Variants in KCTD13 observed in about 807,000 individuals in gnomAD.
KCTD13 encodes the protein BTB/POZ domain-containing adapter for CUL3-mediated RhoA degradation protein 1.
KCTD13 carries 15 observed loss-of-function variants against 32.3 expected under a neutral mutation model. The observed-to-expected ratio is 0.46, with a 90% CI of 0.31 to 0.71. The LOEUF (loss-of-function observed/expected upper bound fraction) is 0.71. Ranked by LOEUF, KCTD13 falls within the 30% of genes least tolerant of loss-of-function variation. The pLI, the probability that KCTD13 is intolerant of heterozygous loss-of-function variation, is 0.05. For missense variants in KCTD13, 337 were observed against 452.6 expected (o/e 0.74, Z 2.32); for synonymous variants, 189 against 200.1 (o/e 0.94, Z 0.47).
chr16:29,909,350 G>A (rs998962410), intron 5 of KCTD13, among the ~76,000 whole-genome samples: 2 of 152,188 alleles, frequency 1.3e-5, no homozygotes, highest in Admixed American at 1.3e-4. Flanking sequence ...CAGATAGAAG[G>A]AAAGAATTCC....
In KCTD13 at chr16:29,907,000, C is replaced by T. The variant is rs2068624920; in HGVS notation, c.862G>A (p.Gly288Arg). ...TCCCCGCGGCCAGCCCCACCAGCTCCAGCTGCTCCCCCTGTGGCCTCCAGG... is the reference window on the plus strand; with the variant it reads ...TCCCCGCGGCCAGCCCCACCAGCTCTAGCTGCTCCCCCTGTGGCCTCCAGG... ...ALLEATGGAA[G>R]AGGAGRGEDE... Residue 288 changes from glycine (G) to arginine (R), a missense_variant, in exon 6 of 6, where the codon GGA (glycine) becomes AGA (arginine). Around this residue, in one of 3 missense-constraint regions of KCTD13, gnomAD observed 252 missense variants for 340.2 expected, o/e 0.74. Transcript: ENST00000568000. The T allele has an allele frequency of 6.2e-7, 1 of 1,614,210 alleles. No individual in the cohort carries two copies. Among genetic ancestry groups the T allele is most frequent in the Non-Finnish European group, 8.5e-7 (1 of 1,180,026 alleles).
At chr16:29,916,601 T>C (rs940362758) in intron 2 of KCTD13, among the ~76,000 whole-genome samples, 1 of 152,138 alleles carries the variant, frequency 6.6e-6, no homozygotes, top group African/African-American at 2.4e-5. Flanking sequence ...TGGAGGCTCA[T>C]GCCTGTAATC....
intron 2 of KCTD13, chr16:29,920,525 A>G (rs2068890721): frequency 6.6e-6 from 1 of 152,200 alleles, no homozygotes; most frequent in Non-Finnish European, 1.5e-5. Context: ...CTAAACTAAA[A>G]TATGCAAGGA....
At chr16:29,909,140 T>C (rs1226720508) in intron 5 of KCTD13, among the ~76,000 whole-genome samples, 1 of 152,158 alleles carries the variant, frequency 6.6e-6, no homozygotes, top group Non-Finnish European at 1.5e-5. Flanking sequence ...GAAAAAGACA[T>C]GGCCCTGCCC....
Position 29,906,955 on chromosome 16 carries a change from G to A in KCTD13, c.907C>T (p.His303Tyr), listed in dbSNP as rs779071828. 2.5e-6 allele frequency: 4 copies of A among 1,614,052 alleles called. No homozygotes were observed. In the South Asian group the frequency reaches 4.4e-5, roughly 18 times the overall value. Residue 303 changes from histidine to tyrosine, a missense_variant, in exon 6 of 6, where the codon CAC becomes TAC. Around this residue, in one of 3 missense-constraint regions of KCTD13, gnomAD observed 252 missense variants for 340.2 expected, o/e 0.74. Transcript: ENST00000568000. ...CGGACATGGATCCTGCGGACACGGT[G>A]CTCTCGGTTCTCTTCATCCTCCCCG... Reference protein sequence around the residue: ...GRGEDEENREHRVRRIHVRRH... With the variant: ...GRGEDEENREYRVRRIHVRRH...
chr16:29,925,006 C>T (rs142467274), intron 1 of KCTD13, among the ~76,000 whole-genome samples: 4,418 of 152,248 alleles, frequency 0.029, 216 homozygotes, highest in African/African-American at 0.1. Flanking sequence ...CGTGAGCCAC[C>T]GCACCTGGCC....
intron 5 of KCTD13, among the ~76,000 whole-genome samples, chr16:29,910,483 A>G (rs1567440328): frequency 6.6e-6 from 1 of 152,212 alleles, no homozygotes; most frequent in East Asian, 1.9e-4. Context: ...CTGGGATTAC[A>G]GGTGCATGCC....
intron 1 of KCTD13, chr16:29,925,588 G>A (rs2068980343): frequency 1.6e-6 from 1 of 611,322 alleles, no homozygotes; most frequent in East Asian, 2.8e-5. Context: ...ATTGCTGGGG[G>A]TAAAGGATTG....
rs769073476 is a variant in KCTD13 at position 29,925,818 on chromosome 16, G to A, written c.216C>T (p.Gly72=). 3 of 1,613,862 alleles carry A rather than the reference G, an allele frequency of 1.9e-6. No homozygotes were observed. In the African/African-American group the frequency reaches 4.0e-5, roughly 22 times the overall value. ...QDTMLKAMFS[G]RVEVLTDAGG... is the part of the protein sequence containing the mutation. The stretch of plus-strand genomic sequence containing the variant: ...CGGCATCGGTCAGCACCTCCACGCG[G>A]CCGCTGAACATGGCTTTGAGCATGG... Residue 72 remains glycine, a synonymous_variant, in exon 1 of 6, where the codon GGC becomes GGT. Transcript: ENST00000568000.
intron 1 of KCTD13, 160 bp downstream of exon 1, chr16:29,925,630 G>A: frequency 1.5e-6 from 1 of 671,154 alleles, no homozygotes; most frequent in Non-Finnish European, 2.6e-6. Flanking sequence ...GAATGAGAAA[G>A]GGGAGGAGAT....
At chr16:29,919,952 G>A (rs1182216016) in intron 2 of KCTD13, 2 of 152,118 alleles carry the variant, frequency 1.3e-5, no homozygotes, top group African/African-American at 2.4e-5. Flanking sequence ...AAAAAATATT[G>A]GCGATATCTA....
intron 2 of KCTD13, among the ~76,000 whole-genome samples, chr16:29,917,722 T>C (rs941335800): frequency 6.6e-6 from 1 of 151,964 alleles, no homozygotes; most frequent in African/African-American, 2.4e-5. Context: ...GAGGTTGCAG[T>C]GAGCCGAGAT....
chr16:29,923,264 G>C lies in KCTD13; in HGVS notation c.340C>G (p.Leu114Val), dbSNP rs764107801. The change falls in exon 2 of 6, where the codon CTG becomes GTG. Residue 114 changes from leucine to valine, a missense_variant. Coordinates refer to ENST00000568000, the MANE Select transcript of KCTD13 (RefSeq NM_178863.5). ...SVPLPESTRE[L>V]GELLGEARYY... is the part of the protein sequence containing the mutation. ...CGTGCTTCGCCCAGCAGCTCCCCCA[G>C]TTCTCTCGTACTCTCCGGCAGTGGC... The C allele has an allele frequency of 1.2e-6, 2 of 1,614,050 alleles. No individual in the cohort carries two copies. The highest frequency in any genetic ancestry group is 1.7e-6 in the Non-Finnish European group (2 of 1,180,046).
At chr16:29,908,187 G>A (rs2068645945) in intron 5 of KCTD13, among the ~76,000 whole-genome samples, 1 of 152,148 alleles carries the variant, frequency 6.6e-6, no homozygotes, top group South Asian at 2.1e-4. Context: ...GGAGGGCCAG[G>A]GCCAGCGTGA....
At position 29,923,321 on chromosome 16, in the gene KCTD13, T is replaced by C. The variant is rs1379249748; in HGVS notation, c.283A>G (p.Thr95Ala). 1 of 1,613,960 alleles carries C rather than the reference T, an allele frequency of 6.2e-7. No individual in the cohort carries two copies. The highest frequency in any genetic ancestry group is 1.3e-5 in the African/African-American group (1 of 74,898). ...CCATCCCGCAGGTAATTGAGGATTG[T>C]ACCAAAGTGACGGCCGCTCCGGTCA... ...LIDRSGRHFG[T>A]ILNYLRDGSV... The change falls in exon 2 of 6, where the codon ACA (threonine) becomes GCA (alanine). Residue 95 changes from threonine (T) to alanine (A), a missense_variant. Thr to Ala is a moderately conservative substitution (Grantham distance 58). Transcript: ENST00000568000.
chr16:29,907,167 C>G, intron 5 of KCTD13, 59 bp from the exon 6 acceptor site: 2 of 1,254,584 alleles, frequency 1.6e-6, no homozygotes, highest in Non-Finnish European at 2.3e-6. Flanking sequence ...CAGGGCCATC[C>G]CCCTGCCTAG....
rs574044040 is a variant in KCTD13 at position 29,906,786 on chromosome 16, G to A, written c.*86C>T. 6.5e-6 allele frequency: 8 copies of A among 1,225,478 alleles called. No individual in the cohort carries two copies. In the African/African-American group the frequency reaches 7.4e-5, roughly 11 times the overall value. 75.9% of individuals were successfully genotyped at this position (1,225,478 alleles called of 1,614,324 possible). A position where few individuals can be genotyped will look rare whatever the true frequency, so the allele number is the denominator to read the frequency against. ...AGGAGGACCCACGACTTGGCCAGCA[G>A]AGCCGGGGCAAAAGTCTGGGAAGGG... is the stretch of plus-strand genomic sequence containing the variant. On this transcript the variant is annotated 3_prime_UTR_variant, in exon 6 of 6. Coordinates refer to ENST00000568000, the MANE Select transcript of KCTD13 (RefSeq NM_178863.5).
At chr16:29,908,509 C>T (rs1320069320) in intron 5 of KCTD13, among the ~76,000 whole-genome samples, 3 of 152,042 alleles carry the variant, frequency 2.0e-5, no homozygotes, top group Middle Eastern at 3.2e-3. Context: ...TTCAACCTCC[C>T]GGAGTAGCTG....
At chr16:29,907,657 C>T (rs1033473984) in intron 5 of KCTD13, among the ~76,000 whole-genome samples, 1 of 151,714 alleles carries the variant, frequency 6.6e-6, no homozygotes, top group African/African-American at 2.4e-5. Flanking sequence ...GTGTGGTGGC[C>T]CACACCTGTG....
Sources: allele counts gnomAD v4.1 joint callset (sites outside exome capture counted in the v4.1 genomes callset), GRCh38; gene constraint gnomAD v4.1.1; regional missense constraint gnomAD v4.1.1; transcripts MANE v1.5; gene names NCBI Gene and HGNC (gene_info 2026-07-23, HGNC 2026-07-21).